EDIL3: variants seen among roughly 807,000 people sequenced by gnomAD.
EDIL3 encodes EGF-like repeat and discoidin I-like domain-containing protein 3.
A neutral mutation model predicts 67.4 loss-of-function variants in EDIL3; 37 were observed. The ratio of observed to expected loss-of-function variants is 0.55; its 90% CI spans 0.42 to 0.72. EDIL3 has a LOEUF of 0.72. Among genes scored for constraint, EDIL3 ranks in the 30% least tolerant of loss-of-function variants. The pLI is 0.00. For synonymous variants in EDIL3, 195 were observed against 196.3 expected, an observed-to-expected ratio of 0.99 and a Z score of 0.05; for missense variants, 527 against 586.3, an observed-to-expected ratio of 0.90 and a Z score of 1.04.
intron 1 of EDIL3, among the ~76,000 whole-genome samples, chr5:84,317,706 A>G (rs2112151426): frequency 6.6e-6 from 1 of 152,310 alleles, no homozygotes; most frequent in South Asian, 2.1e-4. Flanking sequence ...AGCCAATATC[A>G]TACTGAATGG....
In EDIL3 at chr5:84,067,746, C is replaced by G. The variant is rs139671344; in HGVS notation, c.652-1140G>C. ...CCATTGTTTCTGAGTCTCCCAAAGT[C>G]TCATCTTCCCCGTTGAAACCTCATA... On this transcript the variant is annotated intron_variant, in intron 6 of 10. Coordinates refer to ENST00000296591, the MANE Select transcript of EDIL3 (RefSeq NM_005711.5). Among the ~76,000 whole-genome samples the G allele has an allele frequency of 2.2e-3, 339 of 152,242 alleles. 3 individuals carry two copies. The highest frequency in any genetic ancestry group is 7.8e-3 in the African/African-American group (326 of 41,538).
intron 1 of EDIL3, among the ~76,000 whole-genome samples, chr5:84,302,091 A>G (rs889159529): frequency 2.0e-5 from 3 of 152,140 alleles, no homozygotes; most frequent in Admixed American, 6.5e-5. Context: ...TCTTATACAA[A>G]TCTGTCTCAA....
At chr5:84,206,825 G>A (rs995712476) in intron 3 of EDIL3, among the ~76,000 whole-genome samples, 2 of 152,050 alleles carry the variant, frequency 1.3e-5, no homozygotes, top group East Asian at 3.9e-4. Context: ...ATGCAGAAAA[G>A]GCCTTTGACA....
intron 9 of EDIL3, among the ~76,000 whole-genome samples, chr5:84,057,457 T>TA (rs963515187): frequency 2.4e-4 from 36 of 152,236 alleles, no homozygotes; most frequent in African/African-American, 8.4e-4. Context: ...ACATTAGCGA[T>TA]ACGCAGCCAA....
chr5:83,962,511 C>G (rs190940334), intron 10 of EDIL3, among the ~76,000 whole-genome samples: 1 of 151,114 alleles, frequency 6.6e-6, no homozygotes, highest in African/African-American at 2.4e-5. Context: ...AAAAGATGCT[C>G]AAAATGCTAA....
At chr5:84,317,776 C>T (rs544221443) in intron 1 of EDIL3, among the ~76,000 whole-genome samples, 19 of 152,262 alleles carry the variant, frequency 1.2e-4, no homozygotes, top group African/African-American at 4.6e-4. Context: ...CCTCTCTCAC[C>T]ACTCCTATTC....
chr5:84,355,445 G>A (rs1413315981), intron 1 of EDIL3, among the ~76,000 whole-genome samples: 1 of 151,916 alleles, frequency 6.6e-6, no homozygotes, highest in East Asian at 2.0e-4. Context: ...CTTTAGCTCA[G>A]AAGAGTTTAT....
intron 5 of EDIL3, among the ~76,000 whole-genome samples, chr5:84,136,690 T>C (rs1157283440): frequency 1.3e-5 from 2 of 152,072 alleles, no homozygotes; most frequent in African/African-American, 4.8e-5. Flanking sequence ...GGCTAACTGA[T>C]TTATTTTATT....
intron 1 of EDIL3, among the ~76,000 whole-genome samples, chr5:84,335,634 C>G (rs1015208318): frequency 6.6e-6 from 1 of 152,016 alleles, no homozygotes; most frequent in African/African-American, 2.4e-5. Flanking sequence ...AATGGAGAAC[C>G]CAGCTTGTGA....
At chr5:84,300,899 C>T (rs1746145856) in intron 1 of EDIL3, among the ~76,000 whole-genome samples, 1 of 151,654 alleles carries the variant, frequency 6.6e-6, no homozygotes, top group African/African-American at 2.4e-5. Flanking sequence ...GGTATGCTGA[C>T]TCCAAGCCAA....
intron 9 of EDIL3, among the ~76,000 whole-genome samples, chr5:84,057,455 G>C (rs1466467264): frequency 6.6e-6 from 1 of 151,942 alleles, no homozygotes; most frequent in Non-Finnish European, 1.5e-5. Context: ...TAACATTAGC[G>C]ATACGCAGCC....
At chr5:83,991,583 GCAAATTAGTCTTGGC>G (rs1237773561) in intron 9 of EDIL3, among the ~76,000 whole-genome samples, 1 of 152,106 alleles carries the variant, frequency 6.6e-6, no homozygotes, top group African/African-American at 2.4e-5. Flanking sequence ...GCCATTCATT[GCAAATTAGTCTTGGC>G]CATAATTTAA....
At chr5:84,317,005 T>C (rs1194619067) in intron 1 of EDIL3, among the ~76,000 whole-genome samples, 2 of 152,170 alleles carry the variant, frequency 1.3e-5, no homozygotes, top group Non-Finnish European at 2.9e-5. Context: ...TGCTCCTGAA[T>C]GACTATTGCG....
intron 2 of EDIL3, among the ~76,000 whole-genome samples, chr5:84,232,073 T>A (rs575149927): frequency 8.6e-5 from 13 of 150,408 alleles, no homozygotes; most frequent in African/African-American, 2.8e-4. Flanking sequence ...AAACTGAACT[T>A]CTTCTGCTGT....
chr5:84,091,795 C>A (rs967220316), intron 6 of EDIL3, among the ~76,000 whole-genome samples: 6 of 152,200 alleles, frequency 3.9e-5, no homozygotes, highest in African/African-American at 1.4e-4. Flanking sequence ...ACTTTCTATG[C>A]TCTTGCAAGA....
chr5:84,026,792 C>T (rs182746640), intron 9 of EDIL3, among the ~76,000 whole-genome samples: 1 of 152,244 alleles, frequency 6.6e-6, no homozygotes, highest in East Asian at 1.9e-4. Context: ...CACGCCTTAT[C>T]TTCATTAGGC....
At chr5:84,196,164 A>G (rs1054211803) in intron 3 of EDIL3, among the ~76,000 whole-genome samples, 4 of 151,968 alleles carry the variant, frequency 2.6e-5, no homozygotes, top group African/African-American at 9.7e-5. Flanking sequence ...GAATATACAC[A>G]ATAAATGATT....
At chr5:84,023,727 T>C (rs1428510246) in intron 9 of EDIL3, among the ~76,000 whole-genome samples, 1 of 152,092 alleles carries the variant, frequency 6.6e-6, no homozygotes, top group African/African-American at 2.4e-5. Context: ...CAACTGGGTA[T>C]CAAGGTTCCC....
rs141137420 is a variant in EDIL3, at chr5:84,170,863, C to T, written c.355+9530G>A. Among the ~76,000 whole-genome samples, 851 of 151,374 alleles carry T rather than the reference C, an allele frequency of 5.6e-3. 6 individuals carry two copies. The highest frequency in any genetic ancestry group is 0.019 in the African/African-American group (776 of 41,202). On this transcript the variant is annotated intron_variant, in intron 4 of 10. Transcript: ENST00000296591. Reference sequence around the variant, plus strand: ...GGGCTGGAGTGCAGGGGTGTGATCTCGGCTCACTGCAACCTCCACCTCCCG... The same window carrying T: ...GGGCTGGAGTGCAGGGGTGTGATCTTGGCTCACTGCAACCTCCACCTCCCG...
Sources: gnomAD v4.1 joint callset for allele counts (sites outside exome capture counted in the v4.1 genomes callset) on GRCh38, gnomAD v4.1.1 for gene constraint, MANE v1.5 for transcripts, NCBI Gene and HGNC (gene_info 2026-07-23, HGNC 2026-07-21) for gene names.